Variants in SLC35D4 observed in about 807,000 individuals in gnomAD.
SLC35D4 encodes the protein solute carrier family 35 member D4, also known as UDP-N-acetylglucosamine transporter SLC35D4.
At chr18:23,380,161 G>A in the SLC35D4 span, among the ~76,000 whole-genome samples, 1 of 152,142 alleles carries the variant, frequency 6.6e-6, no homozygotes, top group Non-Finnish European at 1.5e-5. Context: ...ATTCCTCTGG[G>A]TTAGCTAACT....
At chr18:23,253,634 A>G in the SLC35D4 span, 1 of 1,039,178 alleles carries the variant, frequency 9.6e-7, no homozygotes, top group South Asian at 1.5e-5. Context: ...TCTGGGAAAG[A>G]GAAAGAGAAA....
the SLC35D4 span, among the ~76,000 whole-genome samples, chr18:23,339,493 TAGTC>T: frequency 1.3e-5 from 2 of 152,188 alleles, no homozygotes; most frequent in Non-Finnish European, 2.9e-5. Context: ...CCAGATACAA[TAGTC>T]AGCACTGTCA....
At chr18:23,380,889 T>C in the SLC35D4 span, among the ~76,000 whole-genome samples, 2 of 152,132 alleles carry the variant, frequency 1.3e-5, no homozygotes, top group Non-Finnish European at 2.9e-5. Flanking sequence ...TAGTTTATTT[T>C]CATAATCTGA....
chr18:23,436,695 A>G, the SLC35D4 span, among the ~76,000 whole-genome samples: 1 of 152,154 alleles, frequency 6.6e-6, no homozygotes, highest in Admixed American at 6.5e-5. Context: ...CACGAGGCTG[A>G]GGCAGGAGAA....
At chr18:23,373,654 A>G in the SLC35D4 span, 1 of 1,589,980 alleles carries the variant, frequency 6.3e-7, no homozygotes, top group Non-Finnish European at 8.6e-7. Context: ...CTGGTCATAC[A>G]CCCAGGCTTC....
chr18:23,318,929 C>A, the SLC35D4 span, among the ~76,000 whole-genome samples: 1 of 148,464 alleles, frequency 6.7e-6, no homozygotes, highest in Non-Finnish European at 1.5e-5. Flanking sequence ...CTGCAACCTC[C>A]GCCTCCTAGG....
the SLC35D4 span, chr18:23,370,135 C>T: frequency 2.3e-5 from 29 of 1,256,718 alleles, no homozygotes; most frequent in African/African-American, 9.1e-5. Flanking sequence ...GCTGAGACCG[C>T]GCCATTGCAC....
At chr18:23,437,916 A>T in the SLC35D4 span, 1 of 1,538,958 alleles carries the variant, frequency 6.5e-7, no homozygotes, top group Non-Finnish European at 8.8e-7. Context: ...CCGCCGCCCG[A>T]CCCCCGCAGC....
At chr18:23,399,312 C>T in the SLC35D4 span, among the ~76,000 whole-genome samples, 1 of 152,228 alleles carries the variant, frequency 6.6e-6, no homozygotes, top group Non-Finnish European at 1.5e-5. Context: ...GCAGTCCCAG[C>T]AGGGCCCGTC....
the SLC35D4 span, among the ~76,000 whole-genome samples, chr18:23,404,139 TA>T: frequency 6.6e-6 from 1 of 152,066 alleles, no homozygotes; most frequent in South Asian, 2.1e-4. Flanking sequence ...TAAATACACA[TA>T]ACATTTTCTT....
chr18:23,415,586 C>A, the SLC35D4 span, among the ~76,000 whole-genome samples: 3 of 152,186 alleles, frequency 2.0e-5, no homozygotes, highest in Non-Finnish European at 4.4e-5. Flanking sequence ...AACAGATGTC[C>A]AGTCAGATAA....
At chr18:23,403,689 C>T in the SLC35D4 span, among the ~76,000 whole-genome samples, 1 of 152,186 alleles carries the variant, frequency 6.6e-6, no homozygotes, top group Non-Finnish European at 1.5e-5. Flanking sequence ...AAACGCTTGA[C>T]TGGAGAAAAT....
At chr18:23,335,609 G>A in the SLC35D4 span, among the ~76,000 whole-genome samples, 1 of 152,282 alleles carries the variant, frequency 6.6e-6, no homozygotes, top group East Asian at 1.9e-4. Context: ...GGAAAATGGG[G>A]CAATGAAGTT....
At chr18:23,308,192 T>C in the SLC35D4 span, among the ~76,000 whole-genome samples, 2 of 152,148 alleles carry the variant, frequency 1.3e-5, no homozygotes, top group African/African-American at 4.8e-5. Context: ...TGAGCAGTAG[T>C]GGCCAACTGA....
the SLC35D4 span, among the ~76,000 whole-genome samples, chr18:23,261,040 C>T: frequency 1.3e-5 from 2 of 152,262 alleles, no homozygotes; most frequent in East Asian, 3.9e-4. Context: ...CTTTAGACTT[C>T]GAAATAGGTA....
the SLC35D4 span, among the ~76,000 whole-genome samples, chr18:23,403,872 A>T: frequency 6.6e-6 from 1 of 152,220 alleles, no homozygotes; most frequent in African/African-American, 2.4e-5. Flanking sequence ...TTCAGTTCTG[A>T]GAATAAAATA....
the SLC35D4 span, among the ~76,000 whole-genome samples, chr18:23,267,291 A>G: frequency 1.3e-5 from 2 of 152,080 alleles, no homozygotes; most frequent in Admixed American, 1.3e-4. Flanking sequence ...GCCTCAGGAC[A>G]CCACTGGGGG....
At chr18:23,289,943 C>T in the SLC35D4 span, among the ~76,000 whole-genome samples, 2 of 152,180 alleles carry the variant, frequency 1.3e-5, no homozygotes, top group Non-Finnish European at 2.9e-5. Context: ...TCTCCCTTTG[C>T]TGACTCTCTT....
the SLC35D4 span, among the ~76,000 whole-genome samples, chr18:23,242,400 ACT>A: frequency 6.6e-6 from 1 of 151,968 alleles, no homozygotes; most frequent in African/African-American, 2.4e-5. Context: ...CTACGTGCAG[ACT>A]CTTGCTGGGT....
Sources: gnomAD v4.1 joint callset for allele counts (sites outside exome capture counted in the v4.1 genomes callset) on GRCh38, gnomAD v4.1.1 for gene constraint, MANE v1.5 for transcripts, NCBI Gene and HGNC (gene_info 2026-07-23, HGNC 2026-07-21) for gene names.